FGF12: variants seen among roughly 807,000 people sequenced by gnomAD.
FGF12 encodes fibroblast growth factor 12.
FGF12 carries 14 observed loss-of-function variants against 23.6 expected under a neutral mutation model. The observed-to-expected ratio is 0.59, with a 90% CI of 0.39 to 0.93. The LOEUF is 0.93. Among genes scored for constraint, FGF12 ranks in the 40% least tolerant of loss-of-function variants. The probability of loss-of-function intolerance (pLI) is 0.00; values close to 1 mark genes in which losing one functional copy is unlikely to be tolerated. For synonymous variants in FGF12, 62 were observed against 77.3 expected (o/e 0.80, Z 1.04); for missense variants, 175 against 217.8 (o/e 0.80, Z 1.24).
chr3:192,190,218 T>C (rs1038611858), intron 4 of FGF12, among the ~76,000 whole-genome samples: 17 of 152,120 alleles, frequency 1.1e-4, no homozygotes, highest in African/African-American at 4.1e-4. Context: ...CAATACATCT[T>C]CCCATAACAA....
intron 2 of FGF12, among the ~76,000 whole-genome samples, chr3:192,477,990 T>A (rs1342302487): frequency 6.6e-6 from 1 of 152,200 alleles, no homozygotes; most frequent in East Asian, 1.9e-4. Context: ...CCTCTTTGTG[T>A]GACTGATAAG....
At chr3:192,241,447 G>A (rs1043756217) in intron 4 of FGF12, among the ~76,000 whole-genome samples, 3 of 152,034 alleles carry the variant, frequency 2.0e-5, no homozygotes, top group Non-Finnish European at 2.9e-5. Flanking sequence ...GTAATTAACC[G>A]AAATCAAGGG....
chr3:192,520,997 G>C (rs954141240), intron 2 of FGF12, among the ~76,000 whole-genome samples: 1 of 152,178 alleles, frequency 6.6e-6, no homozygotes, highest in Non-Finnish European at 1.5e-5. Context: ...AATACACTCT[G>C]TGTGCCTCCA....
intron 2 of FGF12, among the ~76,000 whole-genome samples, chr3:192,430,717 G>C (rs895286711): frequency 2.0e-5 from 3 of 152,070 alleles, no homozygotes; most frequent in African/African-American, 7.2e-5. Context: ...TAATGAGTTT[G>C]GCCCTAGGGT....
chr3:192,578,249 C>T (rs1023859781), intron 2 of FGF12, among the ~76,000 whole-genome samples: 15 of 152,160 alleles, frequency 9.9e-5, no homozygotes, highest in Non-Finnish European at 1.6e-4. Context: ...AAGCACTTTA[C>T]ATATATTAAC....
intron 4 of FGF12, among the ~76,000 whole-genome samples, chr3:192,331,311 C>CAAAAAAAAAA (rs201997868): frequency 1.4e-4 from 13 of 95,982 alleles, no homozygotes; most frequent in Non-Finnish European, 1.6e-4. Flanking sequence ...GGAGTTTTCT[C>CAAAAAAAAAA]AAAAAAAAAA....
intron 4 of FGF12, among the ~76,000 whole-genome samples, chr3:192,183,989 G>A (rs1000392920): frequency 2.0e-5 from 3 of 152,146 alleles, no homozygotes; most frequent in African/African-American, 7.2e-5. Context: ...TTGCGAGGTC[G>A]AGGTGGGCAG....
rs368906293 is a variant in FGF12, at chr3:192,230,717, C to CT, written c.229-60062dup. 2.8e-3 allele frequency among the ~76,000 whole-genome samples: 427 copies of CT among 152,000 alleles called. 7 individuals carry two copies. Among genetic ancestry groups the CT allele is most frequent in the Non-Finnish European group, 1.1e-3 (77 of 67,938 alleles). The stretch of plus-strand genomic sequence containing the variant: ...AGAGTTTCAGGTGGAAGTAATCATT[C>CT]TTTTTTTTAATCTCTTTATTTTTTA... On this transcript the variant is annotated intron_variant, in intron 4 of 5. Coordinates refer to ENST00000445105, the MANE Select transcript of FGF12 (RefSeq NM_004113.6).
At chr3:192,714,752 T>C (rs1489463250) in intron 2 of FGF12, among the ~76,000 whole-genome samples, 1 of 152,116 alleles carries the variant, frequency 6.6e-6, no homozygotes, top group Non-Finnish European at 1.5e-5. Flanking sequence ...TCTCCTGACC[T>C]CGTGATCCGC....
chr3:192,563,807 G>A (rs541393127), intron 2 of FGF12, among the ~76,000 whole-genome samples: 1 of 152,294 alleles, frequency 6.6e-6, no homozygotes, highest in East Asian at 1.9e-4. Flanking sequence ...CTCTCTGTCA[G>A]TTCTCCAATC....
Position 192,514,359 on chromosome 3 carries a change from G to A in FGF12, c.14-153821C>T, listed in dbSNP as rs1001124957. Among the ~76,000 whole-genome samples, 1 of 152,358 alleles carries A rather than the reference G, an allele frequency of 6.6e-6. No homozygotes were observed. The highest frequency in any genetic ancestry group is 3.4e-3 in the Middle Eastern group (1 of 294). ...CCTCGCAAATCGCAGAGAGGGCCGC[G>A]AGAAGGTGCGAACGCAGGTCACGGC... On this transcript the variant is annotated intron_variant, in intron 2 of 5. Transcript: ENST00000445105. The surrounding 1 kb of genome is among the most constrained non-coding windows in gnomAD (Gnocchi z 4.9).
chr3:192,702,070 T>C (rs1255612721), intron 2 of FGF12, among the ~76,000 whole-genome samples: 1 of 152,234 alleles, frequency 6.6e-6, no homozygotes. Context: ...TCTATTTCTA[T>C]GTATTCGACT....
At chr3:192,502,717 T>C (rs1460383143) in intron 2 of FGF12, among the ~76,000 whole-genome samples, 1 of 152,192 alleles carries the variant, frequency 6.6e-6, no homozygotes, top group Non-Finnish European at 1.5e-5. Context: ...CATGTGGCAG[T>C]AAGAAAAGCA....
At chr3:192,349,627 T>C (rs900317148) in intron 3 of FGF12, among the ~76,000 whole-genome samples, 1 of 152,122 alleles carries the variant, frequency 6.6e-6, no homozygotes, top group African/African-American at 2.4e-5. Context: ...TGAGAATATA[T>C]GTAACACTGC....
chr3:192,156,454 G>A (rs986993744), intron 5 of FGF12, among the ~76,000 whole-genome samples: 5 of 152,136 alleles, frequency 3.3e-5, no homozygotes, highest in Non-Finnish European at 7.4e-5. Context: ...TTTAAACTTT[G>A]TTTCTCTCTG....
chr3:192,691,177 A>G (rs1717930860), intron 2 of FGF12, among the ~76,000 whole-genome samples: 1 of 152,136 alleles, frequency 6.6e-6, no homozygotes, highest in Admixed American at 6.5e-5. Flanking sequence ...ACTCTTCAGT[A>G]CAAATGAGCC....
At chr3:192,707,933 G>C in intron 2 of FGF12, among the ~76,000 whole-genome samples, 1 of 151,832 alleles carries the variant, frequency 6.6e-6, no homozygotes, top group Non-Finnish European at 1.5e-5. Flanking sequence ...CAGTCATATG[G>C]AATAGCATCC....
At chr3:192,610,000 T>C (rs2108638671) in intron 2 of FGF12, among the ~76,000 whole-genome samples, 1 of 152,208 alleles carries the variant, frequency 6.6e-6, no homozygotes, top group Non-Finnish European at 1.5e-5. Context: ...TTCTGACTGG[T>C]CTGTGCTAGG....
intron 2 of FGF12, among the ~76,000 whole-genome samples, chr3:192,588,617 A>G (rs1713490805): frequency 6.6e-6 from 1 of 151,836 alleles, no homozygotes; most frequent in South Asian, 2.1e-4. Flanking sequence ...ACATATATCA[A>G]CTCTTTTAAT....
Sources: allele counts gnomAD v4.1 joint callset (sites outside exome capture counted in the v4.1 genomes callset), GRCh38; gene constraint gnomAD v4.1.1; non-coding constraint Gnocchi (gnomAD v3.1); transcripts MANE v1.5; gene names NCBI Gene and HGNC (gene_info 2026-07-23, HGNC 2026-07-21).